The following KCTD5 variants were observed in gnomAD, a reference collection of about 807,000 sequenced individuals.
KCTD5 encodes the protein BTB/POZ domain-containing protein KCTD5.
A neutral mutation model predicts 27.9 loss-of-function variants in KCTD5; 12 were observed. The observed-to-expected ratio is 0.43, with a 90% CI of 0.28 to 0.70. The LOEUF (loss-of-function observed/expected upper bound fraction) is 0.70. KCTD5 is among the 30% of genes least tolerant of loss of function. KCTD5 has a pLI of 0.19. For synonymous variants in KCTD5, 147 were observed against 121.4 expected (o/e 1.21, Z -1.39); for missense variants, 226 against 274.8 (o/e 0.82, Z 1.26).
intron 4 of KCTD5, among the ~76,000 whole-genome samples, chr16:2,702,073 C>T (rs2067614494): frequency 2.0e-5 from 3 of 152,246 alleles, no homozygotes; most frequent in Admixed American, 2.0e-4. Flanking sequence ...TGCTCCGTCC[C>T]CCTGGGGCAG....
chr16:2,698,557 C>A (rs1029951160), intron 3 of KCTD5, among the ~76,000 whole-genome samples: 1 of 152,222 alleles, frequency 6.6e-6, no homozygotes, highest in South Asian at 2.1e-4. Context: ...CACTGCTGGG[C>A]CTTGGGCATC....
chr16:2,683,005 C>G, intron 1 of KCTD5: 1 of 552,358 alleles, frequency 1.8e-6, no homozygotes, highest in Non-Finnish European at 3.0e-6. Context: ...GGCGCCCTGG[C>G]GTCCACTGCC....
chr16:2,707,630 C>T lies in KCTD5; in HGVS notation c.*303C>T, dbSNP rs969830755. The stretch of plus-strand genomic sequence containing the variant: ...GGCAGACACTCCCAGTCAGCCCGCT[C>T]GATCCTGAAGATCGTGTGAAGGAAG... On this transcript the variant is annotated 3_prime_UTR_variant, in exon 6 of 6. Transcript: ENST00000301738. The T allele has an allele frequency of 6.7e-6, 4 of 599,786 alleles. No homozygotes were observed. The highest frequency in any genetic ancestry group is 1.2e-5 in the Non-Finnish European group (4 of 336,952). The allele number at this position is 599,786 out of a possible 1,614,324, so 37.2% of individuals were successfully genotyped here.
At chr16:2,701,444 G>T (rs1303095044) in intron 4 of KCTD5, among the ~76,000 whole-genome samples, 1 of 152,226 alleles carries the variant, frequency 6.6e-6, no homozygotes, top group Non-Finnish European at 1.5e-5. Flanking sequence ...GGAAGTGGCT[G>T]TGAGGACACA....
At chr16:2,700,180 T>C (rs1470328257) in intron 4 of KCTD5, among the ~76,000 whole-genome samples, 2 of 152,174 alleles carry the variant, frequency 1.3e-5, no homozygotes, top group Admixed American at 6.5e-5. Context: ...CGCTGCGCTT[T>C]CTTCGCATCA....
At chr16:2,690,647 C>CAA (rs1347705760) in intron 1 of KCTD5, among the ~76,000 whole-genome samples, 1 of 152,224 alleles carries the variant, frequency 6.6e-6, no homozygotes, top group Non-Finnish European at 1.5e-5. Flanking sequence ...CGCAGCATCT[C>CAA]ACTGGCTTCC....
At position 2,697,963 on chromosome 16, in the gene KCTD5, A is replaced by T; in HGVS notation, c.419A>T (p.Asp140Val). Residue 140 changes from aspartate (D) to valine (V), a missense_variant, in exon 3 of 6, where the codon GAC becomes GTC. This residue lies in a region of KCTD5 where 135 missense variants were observed against 207.0 expected (regional missense o/e 0.65). Transcript: ENST00000301738. ...NITSLIKLVK[D>V]KIRERDSKTS... ...ACCTCATTAATAAAACTTGTAAAGG[A>T]CAAAATTAGAGAACGAGACAGCAAA... 6.2e-7 allele frequency: 1 copy of T among 1,612,460 alleles called. No homozygotes were observed. Among genetic ancestry groups the T allele is most frequent in the Non-Finnish European group, 8.5e-7 (1 of 1,178,624 alleles).
chr16:2,687,060 C>T (rs188689683), intron 1 of KCTD5, among the ~76,000 whole-genome samples: 16 of 152,330 alleles, frequency 1.1e-4, no homozygotes, highest in Non-Finnish European at 2.1e-4. Flanking sequence ...TGGACCTCTG[C>T]GATGGTCCCT....
chr16:2,690,949 C>G (rs2067563727), intron 1 of KCTD5, among the ~76,000 whole-genome samples: 1 of 152,226 alleles, frequency 6.6e-6, no homozygotes, highest in Non-Finnish European at 1.5e-5. Context: ...ATCCACATCC[C>G]CAACACCAGC....
chr16:2,707,289 GT>G lies in KCTD5; in HGVS notation c.676-4del. 1.2e-6 allele frequency: 2 copies of G among 1,613,644 alleles called. No homozygotes were observed. The highest frequency in any genetic ancestry group is 1.7e-6 in the Non-Finnish European group (2 of 1,179,596). ...CAAGTCCTCATTTTATGCATTTGGT[GT>G]TTTTCAGATTTTGCAAGAACGAGGC... On this transcript the variant is annotated splice_polypyrimidine_tract_variant and splice_region_variant and intron_variant, in intron 5 of 5. Coordinates refer to ENST00000301738, the MANE Select transcript of KCTD5 (RefSeq NM_018992.4).
At chr16:2,699,561 G>C (rs2067602287) in intron 3 of KCTD5, among the ~76,000 whole-genome samples, 1 of 152,224 alleles carries the variant, frequency 6.6e-6, no homozygotes, top group Admixed American at 6.5e-5. Flanking sequence ...GGTGCTCTTG[G>C]GATTTCAGGA....
chr16:2,702,836 C>G (rs2067618530), intron 5 of KCTD5, among the ~76,000 whole-genome samples: 1 of 114,726 alleles, frequency 8.7e-6, no homozygotes, highest in African/African-American at 3.6e-5. Flanking sequence ...ATGCTGAGGC[C>G]TGGCTGTCAT....
At chr16:2,697,484 G>A (rs766498189) in intron 2 of KCTD5, among the ~76,000 whole-genome samples, 47 of 152,362 alleles carry the variant, frequency 3.1e-4, no homozygotes, top group South Asian at 8.3e-4. Context: ...ACCCAGTGGC[G>A]TGGCCATGAG....
chr16:2,702,466 C>A lies in KCTD5; in HGVS notation c.663C>A (p.Ser221Arg). The change falls in exon 5 of 6, where the codon AGC becomes AGA. Residue 221 changes from serine (S) to arginine (R), a missense_variant. Physicochemically the swap from Ser to Arg is moderately radical, Grantham distance 110. Transcript: ENST00000301738. ...CGTACGGTACGGCCAGCGAGCCCAG[C>A]GAGAAGGCCAAGGTGAGTGCTGGGC... Reference protein sequence around the residue: ...NTPYGTASEPSEKAKILQERG... With the variant: ...NTPYGTASEPREKAKILQERG... The A allele has an allele frequency of 6.2e-7, 1 of 1,613,112 alleles. No individual in the cohort carries two copies. Among genetic ancestry groups the A allele is most frequent in the Non-Finnish European group, 8.5e-7 (1 of 1,179,902 alleles).
rs758303359 is a variant in KCTD5, at chr16:2,682,526, C to T, written c.-23C>T. Reference sequence around the variant, plus strand: ...GCCGGACGCTTCCGGTGGAAGGGAGCTGTTGCGGGGCTTGCTGGGATCATG... The same window carrying T: ...GCCGGACGCTTCCGGTGGAAGGGAGTTGTTGCGGGGCTTGCTGGGATCATG... On this transcript the variant is annotated 5_prime_UTR_variant, in exon 1 of 6. Coordinates refer to ENST00000301738, the MANE Select transcript of KCTD5 (RefSeq NM_018992.4). The T allele has an allele frequency of 1.4e-6, 2 of 1,385,872 alleles. No homozygotes were observed. Among genetic ancestry groups the T allele is most frequent in the Admixed American group, 6.1e-5 (2 of 32,998 alleles). The allele number at this position is 1,385,872 out of a possible 1,614,324, so 85.8% of individuals were successfully genotyped here. A position where few individuals can be genotyped will look rare whatever the true frequency, so the allele number is the denominator to read the frequency against.
intron 4 of KCTD5, among the ~76,000 whole-genome samples, chr16:2,701,482 G>A (rs1424266338): frequency 6.6e-6 from 1 of 152,182 alleles, no homozygotes; most frequent in Admixed American, 6.5e-5. Flanking sequence ...GGCCGTGAGT[G>A]CTCCCAGGGG....
intron 1 of KCTD5, among the ~76,000 whole-genome samples, chr16:2,687,396 G>C (rs13331521): frequency 6.6e-6 from 1 of 152,196 alleles, no homozygotes; most frequent in Admixed American, 6.5e-5. Flanking sequence ...AAATGCTGTC[G>C]CTGCAGGGCA....
chr16:2,700,343 G>T (rs1348501260), intron 4 of KCTD5, among the ~76,000 whole-genome samples: 1 of 152,226 alleles, frequency 6.6e-6, no homozygotes, highest in Non-Finnish European at 1.5e-5. Flanking sequence ...TCCCGCCCAT[G>T]CTGGAAGGTG....
chr16:2,693,036 C>G (rs1312207056), intron 1 of KCTD5, among the ~76,000 whole-genome samples: 1 of 152,256 alleles, frequency 6.6e-6, no homozygotes, highest in Non-Finnish European at 1.5e-5. Flanking sequence ...GGCAGCCCCA[C>G]GCAGATCCTC....
Sources: allele counts gnomAD v4.1 joint callset (sites outside exome capture counted in the v4.1 genomes callset), GRCh38; gene constraint gnomAD v4.1.1; regional missense constraint gnomAD v4.1.1; transcripts MANE v1.5; gene names NCBI Gene and HGNC (gene_info 2026-07-23, HGNC 2026-07-21).